Variants in SYNPR observed in about 807,000 individuals in gnomAD.
SYNPR encodes the protein synaptoporin.
Under a neutral mutation model 32.9 loss-of-function variants are expected in SYNPR, and 23 were observed. The ratio of observed to expected loss-of-function variants is 0.70; its 90% CI spans 0.50 to 0.99. The LOEUF is 0.99. SYNPR is among the 50% of genes least tolerant of loss of function. SYNPR has a pLI of 0.00. For missense variants in SYNPR, 318 were observed against 349.3 expected (o/e 0.91, Z 0.71); for synonymous variants, 146 against 135.9 (o/e 1.07, Z -0.52).
intron 2 of SYNPR, among the ~76,000 whole-genome samples, chr3:63,352,894 G>C (rs2087528108): frequency 6.6e-6 from 1 of 152,108 alleles, no homozygotes; most frequent in African/African-American, 2.4e-5. Flanking sequence ...GGAAAGACCT[G>C]CCCCCATGAT....
At chr3:63,303,978 G>A (rs938519334) in intron 2 of SYNPR, among the ~76,000 whole-genome samples, 6 of 152,000 alleles carry the variant, frequency 3.9e-5, no homozygotes, top group African/African-American at 1.4e-4. Flanking sequence ...GCCAAGGGCT[G>A]TAGAACGGAT....
upstream of SYNPR, among the ~76,000 whole-genome samples, chr3:63,274,490 C>A (rs1360185152): frequency 6.6e-6 from 1 of 152,222 alleles, no homozygotes; most frequent in Non-Finnish European, 1.5e-5. Flanking sequence ...TATAGTTTGA[C>A]TCAAGATTAA....
chr3:63,557,145 C>T (rs1357112189), intron 4 of SYNPR, among the ~76,000 whole-genome samples: 1 of 151,896 alleles, frequency 6.6e-6, no homozygotes, highest in African/African-American at 2.4e-5. Context: ...TTTTTCCTAC[C>T]AATTCCTTAC....
chr3:63,399,134 G>A (rs1189828758), intron 2 of SYNPR, among the ~76,000 whole-genome samples: 1 of 152,156 alleles, frequency 6.6e-6, no homozygotes, highest in Non-Finnish European at 1.5e-5. Flanking sequence ...TAGAATGAAG[G>A]AGATGCAAAA....
intron 2 of SYNPR, among the ~76,000 whole-genome samples, chr3:63,404,116 C>T (rs889312965): frequency 6.6e-6 from 1 of 152,126 alleles, no homozygotes; most frequent in African/African-American, 2.4e-5. Context: ...GGCAACAGAG[C>T]ATTCGTTTTT....
the SYNPR span, among the ~76,000 whole-genome samples, chr3:63,220,042 C>T: frequency 6.6e-6 from 1 of 152,238 alleles, no homozygotes; most frequent in Non-Finnish European, 1.5e-5. Flanking sequence ...CAAGCTTCAA[C>T]ATAGCACTTT....
intron 4 of SYNPR, among the ~76,000 whole-genome samples, chr3:63,578,391 G>A (rs1381928855): frequency 6.6e-6 from 1 of 152,138 alleles, no homozygotes; most frequent in East Asian, 1.9e-4. Context: ...TAGGTGTAAG[G>A]AGAGAGTGAG....
intron 4 of SYNPR, among the ~76,000 whole-genome samples, chr3:63,592,639 A>G (rs950589503): frequency 3.9e-5 from 6 of 152,144 alleles, no homozygotes; most frequent in Non-Finnish European, 7.4e-5. Flanking sequence ...TTAAGGAATT[A>G]TCAGGAATAA....
the SYNPR span, among the ~76,000 whole-genome samples, chr3:63,208,644 T>C: frequency 6.6e-6 from 1 of 152,202 alleles, no homozygotes; most frequent in East Asian, 1.9e-4. Flanking sequence ...CAGGAGATGC[T>C]GTGCTGAAAG....
intron 2 of SYNPR, among the ~76,000 whole-genome samples, chr3:63,432,385 A>G (rs1700010896): frequency 6.6e-6 from 1 of 152,174 alleles, no homozygotes; most frequent in Non-Finnish European, 1.5e-5. Flanking sequence ...ACTGACATGG[A>G]AAAGATTAGG....
chr3:63,280,622 A>C (rs541760510), intron 2 of SYNPR, among the ~76,000 whole-genome samples: 1 of 152,100 alleles, frequency 6.6e-6, no homozygotes, highest in African/African-American at 2.4e-5. Flanking sequence ...AAGCTGAATG[A>C]TTCACCTCGT....
intron 4 of SYNPR, among the ~76,000 whole-genome samples, chr3:63,596,218 G>A (rs186650305): frequency 3.4e-5 from 5 of 148,840 alleles, no homozygotes; most frequent in Admixed American, 6.8e-5. Context: ...TCCCTTCTTC[G>A]TGCTCCCCTC....
chr3:63,612,325 A>G (rs1459762463), intron 5 of SYNPR, among the ~76,000 whole-genome samples: 2 of 152,222 alleles, frequency 1.3e-5, no homozygotes, highest in African/African-American at 4.8e-5. Flanking sequence ...AATGTCATAC[A>G]GTGTTAGAGC....
intron 2 of SYNPR, among the ~76,000 whole-genome samples, chr3:63,409,726 G>A (rs183851910): frequency 6.6e-6 from 1 of 152,268 alleles, no homozygotes; most frequent in African/African-American, 2.4e-5. Context: ...TTATTTTACA[G>A]ATGGGTAAAC....
intron 4 of SYNPR, among the ~76,000 whole-genome samples, chr3:63,564,430 T>C (rs1219854576): frequency 6.6e-6 from 1 of 151,470 alleles, no homozygotes; most frequent in Non-Finnish European, 1.5e-5. Flanking sequence ...CTCCTGACCT[T>C]GCGATCCACC....
chr3:63,531,710 C>T (rs1453205358), intron 3 of SYNPR, among the ~76,000 whole-genome samples: 1 of 152,198 alleles, frequency 6.6e-6, no homozygotes, highest in African/African-American at 2.4e-5. Flanking sequence ...AGATAAACTT[C>T]AAAAGTGGCC....
chr3:63,237,092 C>T (rs2086206095), intron 1 of SYNPR, among the ~76,000 whole-genome samples: 1 of 152,058 alleles, frequency 6.6e-6, no homozygotes, highest in South Asian at 2.1e-4. Flanking sequence ...GTTTATTATA[C>T]ATTTATTATA....
At chr3:63,321,952 T>C (rs1410982837) in intron 2 of SYNPR, among the ~76,000 whole-genome samples, 1 of 152,068 alleles carries the variant, frequency 6.6e-6, no homozygotes, top group Non-Finnish European at 1.5e-5. Context: ...TCTCAGCTCT[T>C]ACAAGTTTGA....
At chr3:63,453,339 G>A (rs1421709483) in intron 2 of SYNPR, among the ~76,000 whole-genome samples, 3 of 152,114 alleles carry the variant, frequency 2.0e-5, no homozygotes, top group African/African-American at 7.2e-5. Flanking sequence ...GAAACTCAGA[G>A]ACTCTTTTTT....
Sources: allele counts gnomAD v4.1 joint callset (sites outside exome capture counted in the v4.1 genomes callset), GRCh38; gene constraint gnomAD v4.1.1; transcripts MANE v1.5; gene names NCBI Gene and HGNC (gene_info 2026-07-23, HGNC 2026-07-21).